The following FGGY variants were observed in gnomAD, a reference collection of about 807,000 sequenced individuals.
FGGY encodes the protein FGGY carbohydrate kinase domain-containing protein.
A neutral mutation model predicts 71.3 loss-of-function variants in FGGY; 72 were observed. The observed-to-expected ratio is 1.01, with a 90% CI of 0.84 to 1.23. FGGY has a LOEUF of 1.23. Among genes scored for constraint, FGGY ranks in the 50% most tolerant of loss-of-function variants. The pLI is 0.00. For synonymous variants in FGGY, 251 were observed against 250.3 expected (o/e 1.00, Z -0.02); for missense variants, 668 against 682.3 (o/e 0.98, Z 0.23).
intron 14 of FGGY, chr1:59,699,402 A>G (rs2097691533): frequency 1.0e-6 from 1 of 985,356 alleles, no homozygotes; most frequent in Non-Finnish European, 1.2e-6. Flanking sequence ...TTGACGGTTC[A>G]GGCTTCTGTT....
At chr1:59,598,290 A>G (rs1357777117) in intron 8 of FGGY, among the ~76,000 whole-genome samples, 1 of 152,200 alleles carries the variant, frequency 6.6e-6, no homozygotes, top group Non-Finnish European at 1.5e-5. Context: ...AATGTGGAGG[A>G]ACTTTTGGAA....
intron 6 of FGGY, among the ~76,000 whole-genome samples, chr1:59,476,209 C>T (rs2093258514): frequency 6.6e-6 from 1 of 152,230 alleles, no homozygotes; most frequent in South Asian, 2.1e-4. Flanking sequence ...CAAACACTCT[C>T]TTCTACTCCA....
chr1:59,725,801 G>T (rs1055014764), intron 14 of FGGY, among the ~76,000 whole-genome samples: 1 of 152,058 alleles, frequency 6.6e-6, no homozygotes, highest in Non-Finnish European at 1.5e-5. Context: ...TTCTCATTGG[G>T]TGGGTTGGTT....
chr1:59,356,940 A>T (rs1342070337), intron 4 of FGGY, among the ~76,000 whole-genome samples: 1 of 151,616 alleles, frequency 6.6e-6, no homozygotes, highest in East Asian at 1.9e-4. Context: ...TGCTCCCTTC[A>T]CCCCCCAGGA....
At chr1:59,513,859 T>C (rs1363769659) in intron 7 of FGGY, among the ~76,000 whole-genome samples, 1 of 152,212 alleles carries the variant, frequency 6.6e-6, no homozygotes, top group African/African-American at 2.4e-5. Context: ...TTGTTCTACA[T>C]ACTACATGGA....
chr1:59,438,259 G>T (rs925377653), intron 5 of FGGY, among the ~76,000 whole-genome samples: 1 of 152,176 alleles, frequency 6.6e-6, no homozygotes, highest in Non-Finnish European at 1.5e-5. Flanking sequence ...ATCCAAGTTA[G>T]CCTGTTTGCA....
At chr1:59,372,559 T>G (rs2057868311) in intron 4 of FGGY, among the ~76,000 whole-genome samples, 1 of 152,220 alleles carries the variant, frequency 6.6e-6, no homozygotes, top group Non-Finnish European at 1.5e-5. Context: ...ACTCATTTTA[T>G]GAGGCCAGTA....
chr1:59,523,514 A>C (rs541454999), intron 7 of FGGY, among the ~76,000 whole-genome samples: 5 of 152,354 alleles, frequency 3.3e-5, no homozygotes, highest in African/African-American at 1.2e-4. Context: ...AAGAGCAAAG[A>C]GAAATAATTT....
Position 59,346,431 on chromosome 1 carries a change from C to A in FGGY, c.465+33C>A, listed in dbSNP as rs1292684216. 3 of 1,607,266 alleles carry A rather than the reference C, an allele frequency of 1.9e-6. No homozygotes were observed. In the East Asian group the frequency reaches 6.7e-5, roughly 36 times the overall value. On this transcript the variant is annotated intron_variant, in intron 4 of 15. Coordinates refer to ENST00000303721, the MANE Select transcript of FGGY (RefSeq NM_018291.5). The stretch of plus-strand genomic sequence containing the variant: ...CATAGGGTCTAAGAGAAGATACCAA[C>A]AATAGTAGAGGATTCCTGTTACTGT...
chr1:59,476,525 G>A (rs2153559160), intron 6 of FGGY, among the ~76,000 whole-genome samples: 1 of 152,338 alleles, frequency 6.6e-6, no homozygotes, highest in Admixed American at 6.5e-5. Flanking sequence ...CTCAGACTAA[G>A]TTCAACAAGA....
At chr1:59,535,044 A>G (rs976834410) in intron 7 of FGGY, among the ~76,000 whole-genome samples, 3 of 152,190 alleles carry the variant, frequency 2.0e-5, no homozygotes, top group Admixed American at 1.3e-4. Flanking sequence ...GGCAAATTGG[A>G]TAAAGAGTCA....
rs2095587806 is a variant in FGGY at position 59,550,263 on chromosome 1, CTG to C, written c.800-3858_800-3857del. Among the ~76,000 whole-genome samples the C allele has an allele frequency of 2.0e-5, 3 of 152,224 alleles. No individual in the cohort carries two copies. In the South Asian group the frequency reaches 6.2e-4, roughly 32 times the overall value. On this transcript the variant is annotated intron_variant, in intron 7 of 15. Coordinates refer to ENST00000303721, the MANE Select transcript of FGGY (RefSeq NM_018291.5). ...TGTACACATGCAGCCTGTGAGTTCT[CTG>C]TGGATGGCAAAATATGTTTCTCCGG... is the stretch of plus-strand genomic sequence containing the variant.
chr1:59,727,651 C>A (rs1388005862), intron 14 of FGGY, among the ~76,000 whole-genome samples: 1 of 152,108 alleles, frequency 6.6e-6, no homozygotes, highest in Admixed American at 6.5e-5. Context: ...CAATGCTATT[C>A]CTATCAAACT....
At chr1:59,488,313 T>C (rs1238976042) in intron 6 of FGGY, among the ~76,000 whole-genome samples, 1 of 151,912 alleles carries the variant, frequency 6.6e-6, no homozygotes, top group Non-Finnish European at 1.5e-5. Flanking sequence ...CTCGCAGAAA[T>C]GGAATTACTA....
At position 59,607,836 on chromosome 1, in the gene FGGY, T is replaced by G. The variant is rs760441119; in HGVS notation, c.937T>G (p.Trp313Gly). The G allele has an allele frequency of 2.5e-6, 4 of 1,614,102 alleles. No individual in the cohort carries two copies. In the Admixed American group the frequency reaches 6.7e-5, roughly 27 times the overall value. Residue 313 changes from tryptophan to glycine, a missense_variant, in exon 9 of 16, where the codon TGG becomes GGG. Trp to Gly is a radical substitution (Grantham distance 184). This residue lies in a region of FGGY where 661 missense variants were observed against 661.6 expected (regional missense o/e 1.00). Coordinates refer to ENST00000303721, the MANE Select transcript of FGGY (RefSeq NM_018291.5). ...AGACCCGATTTTTGTACCAGGCGTC[T>G]GGGGGCCTTATTTCTCAGCCATGGT... ...SKDPIFVPGV[W>G]GPYFSAMVPG... is the part of the protein sequence containing the mutation.
At chr1:59,623,052 G>C (rs1413779843) in intron 9 of FGGY, among the ~76,000 whole-genome samples, 1 of 152,150 alleles carries the variant, frequency 6.6e-6, no homozygotes, top group African/African-American at 2.4e-5. Flanking sequence ...TCAGAGTATA[G>C]GGTAAGAGAC....
chr1:59,537,631 A>T (rs1049264876), intron 7 of FGGY, among the ~76,000 whole-genome samples: 3 of 152,194 alleles, frequency 2.0e-5, no homozygotes, highest in Non-Finnish European at 2.9e-5. Flanking sequence ...ACAGCATGGT[A>T]CTGGTACCAA....
chr1:59,321,065 C>G (rs1358961582), intron 1 of FGGY, among the ~76,000 whole-genome samples: 1 of 152,230 alleles, frequency 6.6e-6, no homozygotes, highest in African/African-American at 2.4e-5. Context: ...GACATAAGCA[C>G]TTTTCACAGT....
intron 7 of FGGY, among the ~76,000 whole-genome samples, chr1:59,539,585 T>C (rs757178661): frequency 6.6e-6 from 1 of 152,184 alleles, no homozygotes; most frequent in Non-Finnish European, 1.5e-5. Flanking sequence ...CCCTTCTCCT[T>C]ATACTATGCA....
Sources: gnomAD v4.1 joint callset for allele counts (sites outside exome capture counted in the v4.1 genomes callset) on GRCh38, gnomAD v4.1.1 for gene constraint, gnomAD v4.1.1 regional missense constraint, MANE v1.5 for transcripts, NCBI Gene and HGNC (gene_info 2026-07-23, HGNC 2026-07-21) for gene names.